The following EPHB1 variants were observed in gnomAD, a reference collection of about 807,000 sequenced individuals.
EPHB1 encodes EPH receptor B1.
EPHB1 carries 30 observed loss-of-function variants against 94.4 expected under a neutral mutation model. That is an observed-to-expected ratio of 0.32 (90% CI 0.24 to 0.43). EPHB1 has a LOEUF of 0.43. Among genes scored for constraint, EPHB1 ranks in the 20% least tolerant of loss-of-function variants. The probability of loss-of-function intolerance (pLI) is 1.00; values close to 1 mark genes in which losing one functional copy is unlikely to be tolerated. For synonymous variants in EPHB1, 522 were observed against 489.1 expected, an observed-to-expected ratio of 1.07 and a Z score of -0.89; for missense variants, 1,055 against 1,308.3, an observed-to-expected ratio of 0.81 and a Z score of 2.99.
chr3:134,855,700 T>C (rs2037100247), intron 1 of EPHB1, among the ~76,000 whole-genome samples: 1 of 152,080 alleles, frequency 6.6e-6, no homozygotes, highest in Non-Finnish European at 1.5e-5. Flanking sequence ...TTCCTTCCCA[T>C]AGTCCTTCCA....
rs116636803 is a variant in EPHB1 at position 134,987,841 on chromosome 3, C to T, written c.805+35789C>T. Among the ~76,000 whole-genome samples the T allele has an allele frequency of 6.9e-3, 1,055 of 152,152 alleles. 14 individuals carry two copies. The highest frequency in any genetic ancestry group is 0.024 in the African/African-American group (992 of 41,514). On this transcript the variant is annotated intron_variant, in intron 3 of 15. Transcript: ENST00000398015. ...GAAGGTGGCATCTGCAAACCAAGGACGGAGGCTTCACCAGAAAACAGCCCT... is the reference window on the plus strand; with the variant it reads ...GAAGGTGGCATCTGCAAACCAAGGATGGAGGCTTCACCAGAAAACAGCCCT...
At chr3:135,177,762 G>C (rs911436468) in intron 9 of EPHB1, among the ~76,000 whole-genome samples, 2 of 152,146 alleles carry the variant, frequency 1.3e-5, no homozygotes, top group Admixed American at 1.3e-4. Flanking sequence ...AGGTAAGACA[G>C]GGTGGCCTGG....
At chr3:134,844,112 T>C (rs888405928) in intron 1 of EPHB1, among the ~76,000 whole-genome samples, 1 of 152,254 alleles carries the variant, frequency 6.6e-6, no homozygotes, top group African/African-American at 2.4e-5. Context: ...ATATGTCTTC[T>C]CTATGGTATA....
At chr3:134,969,199 C>T (rs1297203471) in intron 3 of EPHB1, among the ~76,000 whole-genome samples, 3 of 152,140 alleles carry the variant, frequency 2.0e-5, no homozygotes, top group Non-Finnish European at 4.4e-5. Flanking sequence ...TTATCTTAGC[C>T]ATTCTACTAT....
intron 1 of EPHB1, among the ~76,000 whole-genome samples, chr3:134,876,172 C>T (rs2037613135): frequency 6.6e-6 from 1 of 152,160 alleles, no homozygotes; most frequent in Admixed American, 6.5e-5. Context: ...TTCTCCACCC[C>T]TTCCTCACCC....
intron 4 of EPHB1, among the ~76,000 whole-genome samples, chr3:135,120,278 G>T (rs1384967872): frequency 6.6e-6 from 1 of 152,158 alleles, no homozygotes; most frequent in East Asian, 1.9e-4. Context: ...ACGTTCTTCG[G>T]TAAAGTTTTG....
rs1940538303 is a variant in EPHB1, at chr3:135,134,446, G to C, written c.1297+1397G>C. On this transcript the variant is annotated intron_variant, in intron 5 of 15. Coordinates refer to ENST00000398015, the MANE Select transcript of EPHB1 (RefSeq NM_004441.5). ...TGAGAAGAAAAAAGGTGTCGTAGGAGAGCATGTCTGTCCAGATGGCTGTGT... is the reference window on the plus strand; with the variant it reads ...TGAGAAGAAAAAAGGTGTCGTAGGACAGCATGTCTGTCCAGATGGCTGTGT... 3.9e-5 allele frequency among the ~76,000 whole-genome samples: 6 copies of C among 152,274 alleles called. No individual in the cohort carries two copies. In the South Asian group the frequency reaches 1.2e-3, roughly 32 times the overall value.
intron 3 of EPHB1, among the ~76,000 whole-genome samples, chr3:135,008,143 A>T (rs776050513): frequency 6.6e-6 from 1 of 152,232 alleles, no homozygotes; most frequent in South Asian, 2.1e-4. Flanking sequence ...GGGGGCATGC[A>T]GGGCAAAGCA....
In EPHB1 at chr3:134,795,349, C is replaced by G. The variant is rs930181324; in HGVS notation, c.-283C>G. On this transcript the variant is annotated 5_prime_UTR_variant, in exon 1 of 16. Coordinates refer to ENST00000398015, the MANE Select transcript of EPHB1 (RefSeq NM_004441.5). ...TCGCTCTCGCGCGCTCTCCCAGGCTCGTTCTCCCTCGCCCTCTCTCTCTCA... is the reference window on the plus strand; with the variant it reads ...TCGCTCTCGCGCGCTCTCCCAGGCTGGTTCTCCCTCGCCCTCTCTCTCTCA... 2.5e-4 allele frequency: 124 copies of G among 497,422 alleles called. No homozygotes were observed. Among genetic ancestry groups the G allele is most frequent in the Non-Finnish European group, 3.9e-4 (112 of 284,072 alleles). The allele number at this position is 497,422 out of a possible 1,614,324, so 30.8% of individuals were successfully genotyped here. A position where few individuals can be genotyped will look rare whatever the true frequency, so the allele number is the denominator to read the frequency against.
intron 1 of EPHB1, among the ~76,000 whole-genome samples, chr3:134,889,830 A>C (rs146705473): frequency 0.012 from 1,791 of 149,694 alleles, 36 homozygotes; most frequent in African/African-American, 0.042. Flanking sequence ...GGTGCCCGCC[A>C]CCACACCCGG....
intron 12 of EPHB1, among the ~76,000 whole-genome samples, chr3:135,207,699 C>A (rs910485070): frequency 2.0e-5 from 3 of 152,192 alleles, no homozygotes; most frequent in African/African-American, 4.8e-5. Flanking sequence ...TCAGCCTGGG[C>A]TCCCATAGCA....
chr3:135,082,186 A>T (rs1938188621), intron 3 of EPHB1, among the ~76,000 whole-genome samples: 2 of 152,318 alleles, frequency 1.3e-5, no homozygotes, highest in South Asian at 4.1e-4. Context: ...GGCACCACGG[A>T]CAGACATGAG....
intron 1 of EPHB1, among the ~76,000 whole-genome samples, chr3:134,912,773 G>T (rs545174755): frequency 1.3e-5 from 2 of 152,360 alleles, no homozygotes; most frequent in East Asian, 3.9e-4. Flanking sequence ...TTTGGCTCCT[G>T]CCTACAGATG....
intron 6 of EPHB1, among the ~76,000 whole-genome samples, chr3:135,158,655 C>T (rs965621793): frequency 6.6e-6 from 1 of 152,114 alleles, no homozygotes; most frequent in Non-Finnish European, 1.5e-5. Context: ...GCTCAGATGC[C>T]ATCAAGCTGA....
intron 3 of EPHB1, among the ~76,000 whole-genome samples, chr3:135,002,073 A>G (rs1375921882): frequency 6.6e-6 from 1 of 152,230 alleles, no homozygotes; most frequent in Non-Finnish European, 1.5e-5. Context: ...TATATATTGA[A>G]TGGCATACTA....
At chr3:134,842,105 C>A (rs1054865908) in intron 1 of EPHB1, among the ~76,000 whole-genome samples, 9 of 152,164 alleles carry the variant, frequency 5.9e-5, no homozygotes, top group African/African-American at 2.2e-4. Flanking sequence ...GACAGTGGCC[C>A]CTTCATGAAT....
intron 13 of EPHB1, among the ~76,000 whole-genome samples, chr3:135,245,855 C>G (rs1224730146): frequency 1.3e-5 from 2 of 148,392 alleles, no homozygotes; most frequent in African/African-American, 2.5e-5. Flanking sequence ...TGATGCCATG[C>G]AGTGGAGACA....
chr3:135,090,338 G>A (rs752226857), intron 3 of EPHB1, among the ~76,000 whole-genome samples: 2 of 152,204 alleles, frequency 1.3e-5, no homozygotes, highest in East Asian at 1.9e-4. Flanking sequence ...AGCAAAAGTC[G>A]CAGGTCAGAC....
chr3:135,128,208 C>T lies in EPHB1; in HGVS notation c.962-4506C>T, dbSNP rs1245588749. On this transcript the variant is annotated intron_variant, in intron 4 of 15. Coordinates refer to ENST00000398015, the MANE Select transcript of EPHB1 (RefSeq NM_004441.5). ...GATTTTCTTTCTCTGTTCTGGCTTC[C>T]CTCTCTGCTCCCCCTTGTAATGTTT... 2.6e-5 allele frequency among the ~76,000 whole-genome samples: 4 copies of T among 152,194 alleles called. No homozygotes were observed. The East Asian group carries it at 7.7e-4, about 29-fold the overall frequency.
Sources: gnomAD v4.1 joint callset for allele counts (sites outside exome capture counted in the v4.1 genomes callset) on GRCh38, gnomAD v4.1.1 for gene constraint, MANE v1.5 for transcripts, NCBI Gene and HGNC (gene_info 2026-07-23, HGNC 2026-07-21) for gene names.